ANKRD53: variants seen among roughly 807,000 people sequenced by gnomAD.
The protein encoded by ANKRD53 is ankyrin repeat domain 53.
ANKRD53 carries 27 observed loss-of-function variants against 30.1 expected under a neutral mutation model. The observed-to-expected ratio is 0.90, with a 90% CI of 0.66 to 1.24. The LOEUF is 1.24. Among genes scored for constraint, ANKRD53 ranks in the 50% most tolerant of loss-of-function variants. The pLI, the probability that ANKRD53 is intolerant of heterozygous loss-of-function variation, is 0.00. For missense variants in ANKRD53, 682 were observed against 721.0 expected (o/e 0.95, Z 0.62); for synonymous variants, 286 against 295.4 (o/e 0.97, Z 0.33).
intron 3 of ANKRD53, among the ~76,000 whole-genome samples, chr2:70,981,558 A>G (rs1434344408): frequency 6.6e-6 from 1 of 150,456 alleles, no homozygotes; most frequent in Admixed American, 6.6e-5. Context: ...AGGTCAAAGG[A>G]TAAGATCGAG....
At chr2:70,984,573 A>G in intron 5 of ANKRD53, 38 bp from the exon 6 acceptor site, 3 of 1,600,188 alleles carry the variant, frequency 1.9e-6, no homozygotes, top group Non-Finnish European at 2.6e-6. Flanking sequence ...AGAGGGCAGC[A>G]GTCCTCCATG....
In ANKRD53 at chr2:70,985,266, T is replaced by TGGC; in HGVS notation, c.1559_1560insGGC (p.Leu520_Pro521insAla). The TGGC allele has an allele frequency of 6.5e-7, 1 of 1,544,448 alleles. No individual in the cohort carries two copies. Among genetic ancestry groups the TGGC allele is most frequent in the Non-Finnish European group, 8.8e-7 (1 of 1,141,422 alleles). ...GCAGCTGTGCGATCTCATCAAGGAC[T>TGGC]CCCCACCCTGCCCTCCCCACAAACC... On this transcript the variant is annotated inframe_insertion, in exon 6 of 6. Transcript: ENST00000360589.
chr2:70,979,659 A>G lies in ANKRD53; in HGVS notation c.418-2A>G. ...TCCTCCTGCCTGCTCTGAACCTCAC[A>G]GGGCTTCACTGCCATCCACTTCGCC... On this transcript the variant is annotated splice_acceptor_variant, in intron 2 of 5. Transcript: ENST00000360589. LOFTEE classifies it high-confidence loss of function. The G allele has an allele frequency of 1.2e-6, 2 of 1,612,744 alleles. No individual in the cohort carries two copies. The highest frequency in any genetic ancestry group is 2.2e-5 in the South Asian group (2 of 90,838).
Position 70,984,775 on chromosome 2 carries a change from T to C in ANKRD53, c.1068T>C (p.Ser356=). The change falls in exon 6 of 6, where the codon TCT becomes TCC. Residue 356 remains serine, a synonymous_variant. Transcript: ENST00000360589. The stretch of plus-strand genomic sequence containing the variant: ...AGCGTTCCAGGAGCTTCCACCCCTC[T>C]GTGGATGCACGCCTGCAATGCATTC... ...ESQRSRSFHP[S]VDARLQCIPQ... 6.4e-7 allele frequency: 1 copy of C among 1,567,104 alleles called. No homozygotes were observed. The highest frequency in any genetic ancestry group is 8.7e-7 in the Non-Finnish European group (1 of 1,155,144).
rs782219608 is a variant in ANKRD53 at position 70,978,671 on chromosome 2, G to A, written c.26G>A (p.Arg9Gln). 158 of 1,543,044 alleles carry A rather than the reference G, an allele frequency of 1.0e-4. No individual in the cohort carries two copies. The highest frequency in any genetic ancestry group is 1.3e-4 in the Non-Finnish European group (152 of 1,144,858). MASAGSTA[R>Q]RAGSGSWHSE... ...ATGGCCTCCGCGGGCAGCACCGCTC[G>A]GCGGGCGGGCTCCGGAAGCTGGCAC... Residue 9 changes from arginine (R) to glutamine (Q), a missense_variant, in exon 1 of 6, where the codon CGG becomes CAG. Transcript: ENST00000360589. This position sits in a 1 kb window ranked among gnomAD's most constrained non-coding sequence, Gnocchi z 4.3.
chr2:70,985,443 A>C lies in ANKRD53; in HGVS notation c.*143A>C. The C allele has an allele frequency of 2.8e-6, 2 of 714,320 alleles. No homozygotes were observed. The highest frequency in any genetic ancestry group is 4.5e-6 in the Non-Finnish European group (2 of 443,672). 44.2% of individuals were successfully genotyped at this position (714,320 alleles called of 1,614,324 possible). ...TCGAGGAGTCACCCTTCCCAATCAA[A>C]AGCCCAGACCCCAGGCCTCCCTTTT... On this transcript the variant is annotated 3_prime_UTR_variant, in exon 6 of 6. Coordinates refer to ENST00000360589, the MANE Select transcript of ANKRD53 (RefSeq NM_001115116.2).
chr2:70,984,424 A>ATAAGGTG, intron 5 of ANKRD53, 187 bp from the exon 6 acceptor site: 1 of 985,250 alleles, frequency 1.0e-6, no homozygotes, highest in Non-Finnish European at 1.2e-6. Context: ...TGTCTCCCCC[A>ATAAGGTG]TCGGAACACC....
At position 70,982,317 on chromosome 2, in the gene ANKRD53, T is replaced by C; in HGVS notation, c.782+217T>C. 1.4e-6 allele frequency: 1 copy of C among 730,480 alleles called. No individual in the cohort carries two copies. 45.2% of individuals were successfully genotyped at this position (730,480 alleles called of 1,614,324 possible). ...CCAGGTCCCCTGCTCTCTGGGTTGA[T>C]CACTGCCCTCCTTTCCTGCCCTGGG... On this transcript the variant is annotated intron_variant, in intron 4 of 5. Coordinates refer to ENST00000360589, the MANE Select transcript of ANKRD53 (RefSeq NM_001115116.2). The surrounding 1 kb of genome is among the most constrained non-coding windows in gnomAD (Gnocchi z 4.2).
rs72899708 is a variant in ANKRD53, at chr2:70,982,393, G to A, written c.783-184G>A. 10,094 of 884,270 alleles carry A rather than the reference G, an allele frequency of 0.011. 383 individuals carry two copies. Among genetic ancestry groups the A allele is most frequent in the African/African-American group, 0.1 (5,967 of 58,978 alleles). 54.8% of individuals were successfully genotyped at this position (884,270 alleles called of 1,614,324 possible). ...GGTGACCAGGTCATCAAGGACTTTC[G>A]TCTTTCACCTAAAGGAAGTAGGGAG... On this transcript the variant is annotated intron_variant, in intron 4 of 5. Coordinates refer to ENST00000360589, the MANE Select transcript of ANKRD53 (RefSeq NM_001115116.2). This position sits in a 1 kb window ranked among gnomAD's most constrained non-coding sequence, Gnocchi z 4.2.
At position 70,985,492 on chromosome 2, in the gene ANKRD53, C is replaced by CT; in HGVS notation, c.*192_*193insT. ...TTCTCTGCAAATAAATCTCTTGGCACCCCCCCACCGCCGCCAGGAAATCCA... is the reference window on the plus strand; with the variant it reads ...TTCTCTGCAAATAAATCTCTTGGCACTCCCCCCACCGCCGCCAGGAAATCCA... On this transcript the variant is annotated 3_prime_UTR_variant, in exon 6 of 6. Transcript: ENST00000360589. 3 of 491,534 alleles carry CT rather than the reference C, an allele frequency of 6.1e-6. No individual in the cohort carries two copies. The highest frequency in any genetic ancestry group is 2.3e-5 in the South Asian group (1 of 43,236). The allele number at this position is 491,534 out of a possible 1,614,324, so 30.4% of individuals were successfully genotyped here.
intron 5 of ANKRD53, chr2:70,984,103 T>G: frequency 5.6e-6 from 9 of 1,604,622 alleles, no homozygotes; most frequent in Non-Finnish European, 7.7e-6. Flanking sequence ...CATCCAGTCC[T>G]TTCTGCTTTC....
chr2:70,982,430 C>T lies in ANKRD53; in HGVS notation c.783-147C>T, dbSNP rs140013514. On this transcript the variant is annotated intron_variant, in intron 4 of 5. Coordinates refer to ENST00000360589, the MANE Select transcript of ANKRD53 (RefSeq NM_001115116.2). This position sits in a 1 kb window ranked among gnomAD's most constrained non-coding sequence, Gnocchi z 4.2. ...AAGGAAGTAGGGAGCCAGAGGGCCCCGGGCAATGGGGATGGCTCATCTTGC... is the reference window on the plus strand; with the variant it reads ...AAGGAAGTAGGGAGCCAGAGGGCCCTGGGCAATGGGGATGGCTCATCTTGC... 28 of 1,157,114 alleles carry T rather than the reference C, an allele frequency of 2.4e-5. No homozygotes were observed. The highest frequency in any genetic ancestry group is 5.2e-5 in the Admixed American group (2 of 38,814). The allele number at this position is 1,157,114 out of a possible 1,614,324, so 71.7% of individuals were successfully genotyped here.
At chr2:70,981,326 G>A (rs1194730985) in intron 3 of ANKRD53, among the ~76,000 whole-genome samples, 1 of 152,146 alleles carries the variant, frequency 6.6e-6, no homozygotes, top group Non-Finnish European at 1.5e-5. Flanking sequence ...AATCCTGACA[G>A]AGCATGGGAA....
rs547807330 is a variant in ANKRD53 at position 70,982,443 on chromosome 2, T to C, written c.783-134T>C. 1.6e-5 allele frequency: 20 copies of C among 1,275,924 alleles called. No individual in the cohort carries two copies. Among genetic ancestry groups the C allele is most frequent in the African/African-American group, 8.9e-5 (6 of 67,112 alleles). 79.0% of individuals were successfully genotyped at this position (1,275,924 alleles called of 1,614,324 possible). A position where few individuals can be genotyped will look rare whatever the true frequency, so the allele number is the denominator to read the frequency against. ...GCCAGAGGGCCCCGGGCAATGGGGA[T>C]GGCTCATCTTGCTCCTCTCCCTCTG... On this transcript the variant is annotated intron_variant, in intron 4 of 5. Transcript: ENST00000360589. The surrounding 1 kb of genome is among the most constrained non-coding windows in gnomAD (Gnocchi z 4.2).
Position 70,982,046 on chromosome 2 carries a change from T to C in ANKRD53, c.728T>C (p.Met243Thr), listed in dbSNP as rs36123544. The change falls in exon 4 of 6, where the codon ATG becomes ACG. Residue 243 changes from methionine (M) to threonine (T), a missense_variant. By Grantham distance (81) the Met-to-Thr change is moderately conservative (BLOSUM62 -1). Coordinates refer to ENST00000360589, the MANE Select transcript of ANKRD53 (RefSeq NM_001115116.2). This position sits in a 1 kb window ranked among gnomAD's most constrained non-coding sequence, Gnocchi z 4.2. ...SGANVHAQDAMGYKPIDFCKI... is the reference protein window; with the variant it reads ...SGANVHAQDATGYKPIDFCKI... ...GCCAACGTCCATGCCCAAGATGCCA[T>C]GGGCTACAAACCCATTGACTTCTGC... 1.8e-3 allele frequency: 2,913 copies of C among 1,613,760 alleles called. 48 individuals carry two copies. In the African/African-American group the frequency reaches 0.034, roughly 19 times the overall value.
chr2:70,979,976 T>C (rs1487666538), intron 3 of ANKRD53, 116 bp downstream of exon 3: 1 of 1,235,534 alleles, frequency 8.1e-7, no homozygotes, highest in Non-Finnish European at 1.1e-6. Context: ...GTGACAAGGA[T>C]TGGGTCCCAC....
chr2:70,982,510 G>A lies in ANKRD53; in HGVS notation c.783-67G>A. The A allele has an allele frequency of 6.3e-7, 1 of 1,591,632 alleles. No individual in the cohort carries two copies. The highest frequency in any genetic ancestry group is 8.6e-7 in the Non-Finnish European group (1 of 1,165,974). On this transcript the variant is annotated intron_variant, in intron 4 of 5. Transcript: ENST00000360589. This position sits in a 1 kb window ranked among gnomAD's most constrained non-coding sequence, Gnocchi z 4.2. ...CCATCCAAGCCCTCAGCAGCAGCCA[G>A]TCTTCCCAGCCCAGGTGGAAGCTCT...
At chr2:70,981,257 C>A (rs559086342) in intron 3 of ANKRD53, among the ~76,000 whole-genome samples, 1 of 152,040 alleles carries the variant, frequency 6.6e-6, no homozygotes, top group African/African-American at 2.4e-5. Context: ...CCTCTCCTCA[C>A]GAAGCTGACA....
At position 70,984,595 on chromosome 2, in the gene ANKRD53, C is replaced by T. The variant is rs782070797; in HGVS notation, c.904-16C>T. 5.6e-6 allele frequency: 9 copies of T among 1,612,002 alleles called. No individual in the cohort carries two copies. The Admixed American group carries it at 6.7e-5, about 12-fold the overall frequency. On this transcript the variant is annotated splice_polypyrimidine_tract_variant and intron_variant, in intron 5 of 5. Transcript: ENST00000360589. The stretch of plus-strand genomic sequence containing the variant: ...AGCAGTCCTCCATGACTCTCTTGTG[C>T]CCTCTGTTGTTGCAGAAAGAGCACA...
Sources: allele counts gnomAD v4.1 joint callset (sites outside exome capture counted in the v4.1 genomes callset), GRCh38; gene constraint gnomAD v4.1.1; non-coding constraint Gnocchi (gnomAD v3.1); transcripts MANE v1.5; gene names NCBI Gene and HGNC (gene_info 2026-07-23, HGNC 2026-07-21).